Variants in RALYL observed in about 807,000 individuals in gnomAD.
The protein encoded by RALYL is RALY RNA binding protein like.
A neutral mutation model predicts 35.1 loss-of-function variants in RALYL; 29 were observed. The observed-to-expected ratio is 0.83, with a 90% CI of 0.61 to 1.13. RALYL has a LOEUF of 1.13. Ranked by LOEUF, RALYL falls within the 50% of genes most tolerant of loss-of-function variation. RALYL has a pLI of 0.00. For synonymous variants in RALYL, 120 were observed against 127.6 expected (o/e 0.94, Z 0.40); for missense variants, 359 against 360.4 (o/e 1.00, Z 0.03).
chr8:84,841,851 C>A (rs1177109863), intron 4 of RALYL, among the ~76,000 whole-genome samples: 3 of 152,182 alleles, frequency 2.0e-5, no homozygotes, highest in Non-Finnish European at 2.9e-5. Context: ...AACTGAACAA[C>A]CTGCTCCTGA....
chr8:84,586,312 C>T (rs779657125), intron 2 of RALYL, among the ~76,000 whole-genome samples: 4 of 152,026 alleles, frequency 2.6e-5, no homozygotes, highest in Non-Finnish European at 5.9e-5. Flanking sequence ...TTCAAAAGAA[C>T]CTTAGCAGAT....
chr8:84,690,993 A>T (rs1177700276), intron 2 of RALYL, among the ~76,000 whole-genome samples: 2 of 152,124 alleles, frequency 1.3e-5, no homozygotes, highest in Non-Finnish European at 2.9e-5. Flanking sequence ...CTAATTTTTT[A>T]TCTTTGTAAG....
chr8:84,616,718 GT>G (rs1413530303), intron 2 of RALYL, among the ~76,000 whole-genome samples: 1 of 151,066 alleles, frequency 6.6e-6, no homozygotes, highest in African/African-American at 2.4e-5. Context: ...GGTTTTTATG[GT>G]TTTAGGTCTA....
chr8:84,647,997 G>T (rs1827857988), intron 2 of RALYL, among the ~76,000 whole-genome samples: 1 of 152,044 alleles, frequency 6.6e-6, no homozygotes, highest in Non-Finnish European at 1.5e-5. Flanking sequence ...ACAGTAGTAG[G>T]TAATGGGTGC....
chr8:84,447,105 T>C (rs2048941161), intron 1 of RALYL, among the ~76,000 whole-genome samples: 1 of 152,032 alleles, frequency 6.6e-6, no homozygotes, highest in Non-Finnish European at 1.5e-5. Context: ...CTTTAGTTCA[T>C]TATATTACTT....
At chr8:84,529,643 AAAACCC>A in intron 2 of RALYL, 66 bp downstream of exon 2, 1 of 1,433,798 alleles carries the variant, frequency 7.0e-7, no homozygotes, top group Non-Finnish European at 9.6e-7. Flanking sequence ...TTTATTTCAC[AAAACCC>A]AACACCACTG....
chr8:84,308,878 T>C (rs1586150480), intron 1 of RALYL, among the ~76,000 whole-genome samples: 1 of 152,068 alleles, frequency 6.6e-6, no homozygotes, highest in Non-Finnish European at 1.5e-5. Flanking sequence ...AAGGCATTCT[T>C]ATAGATTGAT....
chr8:84,368,009 G>T (rs994187055), intron 1 of RALYL, among the ~76,000 whole-genome samples: 1 of 152,054 alleles, frequency 6.6e-6, no homozygotes, highest in Non-Finnish European at 1.5e-5. Flanking sequence ...ATGGTTCTAA[G>T]ATCACTCTGA....
At chr8:84,301,547 A>T (rs148618021) in intron 1 of RALYL, among the ~76,000 whole-genome samples, 1 of 152,086 alleles carries the variant, frequency 6.6e-6, no homozygotes, top group African/African-American at 2.4e-5. Flanking sequence ...AAATGACTGT[A>T]TGTTGAAACT....
chr8:84,407,989 G>A (rs926907915), intron 1 of RALYL, among the ~76,000 whole-genome samples: 5 of 151,928 alleles, frequency 3.3e-5, no homozygotes, highest in Non-Finnish European at 7.4e-5. Context: ...GAGATTATTC[G>A]TAACCACTAT....
At position 84,425,121 on chromosome 8, in the gene RALYL, G is replaced by T. The variant is rs532353595; in HGVS notation, c.-23-104178G>T. Among the ~76,000 whole-genome samples, 687 of 152,334 alleles carry T rather than the reference G, an allele frequency of 4.5e-3. 6 individuals are homozygous for T. The highest frequency in any genetic ancestry group is 0.016 in the African/African-American group (654 of 41,572). ...CTGCTTTGTTTACCTAAGCAAGCCT[G>T]GGCAATGGCGGACGCCCCTCCCCCA... On this transcript the variant is annotated intron_variant, in intron 1 of 8. Coordinates refer to ENST00000521268, the MANE Select transcript of RALYL (RefSeq NM_173848.7).
At chr8:84,386,233 C>A (rs1859169494) in intron 1 of RALYL, among the ~76,000 whole-genome samples, 1 of 151,790 alleles carries the variant, frequency 6.6e-6, no homozygotes, top group South Asian at 2.1e-4. Flanking sequence ...TTAGCCTTTG[C>A]CCTTATCCAT....
At chr8:84,386,479 T>A (rs1295495306) in intron 1 of RALYL, among the ~76,000 whole-genome samples, 1 of 151,844 alleles carries the variant, frequency 6.6e-6, no homozygotes, top group Admixed American at 6.6e-5. Flanking sequence ...TTTGAGCTCA[T>A]AATAGAAGAC....
At chr8:84,290,784 C>T (rs774753366) in intron 1 of RALYL, among the ~76,000 whole-genome samples, 2 of 152,078 alleles carry the variant, frequency 1.3e-5, no homozygotes, top group Non-Finnish European at 2.9e-5. Context: ...TTTTTAAGTC[C>T]CCCTATCTTT....
chr8:84,681,824 C>G (rs929605500), intron 2 of RALYL, among the ~76,000 whole-genome samples: 2 of 152,092 alleles, frequency 1.3e-5, no homozygotes, highest in African/African-American at 2.4e-5. Flanking sequence ...AATTGAATAC[C>G]CTTTATTTCC....
intron 2 of RALYL, among the ~76,000 whole-genome samples, chr8:84,719,425 C>A (rs979324906): frequency 1.3e-5 from 2 of 152,056 alleles, no homozygotes; most frequent in Non-Finnish European, 2.9e-5. Flanking sequence ...CCTTTTTGTT[C>A]TCAGGTTTTG....
intron 1 of RALYL, among the ~76,000 whole-genome samples, chr8:84,424,505 A>C (rs317935): frequency 6.8e-6 from 1 of 146,780 alleles, no homozygotes; most frequent in South Asian, 2.1e-4. Flanking sequence ...ATGTCCTTCC[A>C]TAGCTCAGAG....
intron 2 of RALYL, among the ~76,000 whole-genome samples, chr8:84,628,764 G>A (rs532094529): frequency 2.0e-5 from 3 of 152,114 alleles, no homozygotes; most frequent in East Asian, 3.9e-4. Flanking sequence ...GTCTCCATGA[G>A]CATCTACAAT....
intron 2 of RALYL, among the ~76,000 whole-genome samples, chr8:84,766,995 A>G (rs1814254570): frequency 6.6e-6 from 1 of 152,210 alleles, no homozygotes; most frequent in South Asian, 2.1e-4. Flanking sequence ...AGTGTCATGG[A>G]AATGGTATAA....
Sources: gnomAD v4.1 joint callset for allele counts (sites outside exome capture counted in the v4.1 genomes callset) on GRCh38, gnomAD v4.1.1 for gene constraint, MANE v1.5 for transcripts, NCBI Gene and HGNC (gene_info 2026-07-23, HGNC 2026-07-21) for gene names.